The following LUZP2 variants were observed in gnomAD, a reference collection of about 807,000 sequenced individuals.
LUZP2 encodes the protein leucine zipper protein 2.
In LUZP2, 52 loss-of-function variants were observed where a neutral mutation model predicts 51.6. That is an observed-to-expected ratio of 1.01 (90% CI 0.81 to 1.27). The LOEUF (loss-of-function observed/expected upper bound fraction) is 1.27, where lower values mean the gene tolerates loss of function less well. LUZP2 is among the 50% of genes most tolerant of loss of function. The pLI is 0.00. For synonymous variants in LUZP2, 154 were observed against 137.3 expected (o/e 1.12, Z -0.85); for missense variants, 436 against 395.4 (o/e 1.10, Z -0.87).
intron 5 of LUZP2, among the ~76,000 whole-genome samples, chr11:24,843,911 C>T (rs762378927): frequency 2.6e-5 from 4 of 152,174 alleles, no homozygotes; most frequent in Admixed American, 6.5e-5. Flanking sequence ...ATGTCCTCCA[C>T]GATTGTGAGG....
At chr11:24,859,718 G>A (rs917393131) in intron 5 of LUZP2, among the ~76,000 whole-genome samples, 1 of 152,238 alleles carries the variant, frequency 6.6e-6, no homozygotes, top group Non-Finnish European at 1.5e-5. Flanking sequence ...GTGTGGTGCG[G>A]CAGCCCACCT....
intron 5 of LUZP2, among the ~76,000 whole-genome samples, chr11:24,861,849 G>T (rs1485216065): frequency 2.0e-5 from 3 of 152,134 alleles, no homozygotes; most frequent in South Asian, 2.1e-4. Flanking sequence ...ACATAGTTTG[G>T]TGCCACAGGG....
chr11:24,787,536 C>G (rs1299316817), intron 5 of LUZP2, among the ~76,000 whole-genome samples: 1 of 151,940 alleles, frequency 6.6e-6, no homozygotes, highest in Admixed American at 6.6e-5. Context: ...TCATTTATAC[C>G]TAGTAAAGCA....
At position 24,889,135 on chromosome 11, in the gene LUZP2, C is replaced by T. The variant is rs1177230460; in HGVS notation, c.397-16856C>T. Among the ~76,000 whole-genome samples the T allele has an allele frequency of 2.0e-5, 3 of 152,166 alleles. No homozygotes were observed. The East Asian group carries it at 5.8e-4, about 29-fold the overall frequency. On this transcript the variant is annotated intron_variant, in intron 5 of 11. Coordinates refer to ENST00000336930, the MANE Select transcript of LUZP2 (RefSeq NM_001009909.4). Reference sequence around the variant, plus strand: ...AGCCAAAAGGGGATGGATGTTTTCTCACTCACCCTGGTAAAATATGGCATT... The same window carrying T: ...AGCCAAAAGGGGATGGATGTTTTCTTACTCACCCTGGTAAAATATGGCATT...
At chr11:25,016,603 T>C (rs1016615325) in intron 9 of LUZP2, among the ~76,000 whole-genome samples, 5 of 149,340 alleles carry the variant, frequency 3.3e-5, no homozygotes, top group Admixed American at 6.9e-5. Flanking sequence ...TGTATATATA[T>C]ACAAACACAC....
At chr11:24,958,886 G>C (rs1426308011) in intron 7 of LUZP2, among the ~76,000 whole-genome samples, 1 of 152,084 alleles carries the variant, frequency 6.6e-6, no homozygotes, top group African/African-American at 2.4e-5. Context: ...TATGGTTTTA[G>C]GTCTAACATT....
At chr11:24,852,393 A>G (rs1487235658) in intron 5 of LUZP2, among the ~76,000 whole-genome samples, 2 of 152,172 alleles carry the variant, frequency 1.3e-5, no homozygotes, top group African/African-American at 2.4e-5. Context: ...CAGGTTGTTC[A>G]GTTTCCACGT....
At chr11:25,027,074 T>C (rs1353312344) in intron 9 of LUZP2, among the ~76,000 whole-genome samples, 1 of 152,018 alleles carries the variant, frequency 6.6e-6, no homozygotes, top group Non-Finnish European at 1.5e-5. Context: ...TCCTGAATTA[T>C]TACAGGATCT....
chr11:24,582,969 T>C (rs1852925159), intron 1 of LUZP2, among the ~76,000 whole-genome samples: 1 of 152,192 alleles, frequency 6.6e-6, no homozygotes, highest in Admixed American at 6.5e-5. Flanking sequence ...GGACAAATTC[T>C]ATGCAGCAAA....
chr11:24,627,169 ATG>A (rs1854712278), intron 1 of LUZP2, among the ~76,000 whole-genome samples: 1 of 152,228 alleles, frequency 6.6e-6, no homozygotes. Flanking sequence ...GTACAAAAAT[ATG>A]TAAGATGTTT....
At chr11:24,750,579 A>G (rs970905851) in intron 4 of LUZP2, among the ~76,000 whole-genome samples, 1 of 152,192 alleles carries the variant, frequency 6.6e-6, no homozygotes, top group African/African-American at 2.4e-5. Context: ...AAAAACCAAT[A>G]TGAAGACAAA....
At chr11:24,976,529 A>G (rs1302369818) in intron 7 of LUZP2, 62 bp from the exon 8 acceptor site, 2 of 1,059,464 alleles carry the variant, frequency 1.9e-6, no homozygotes, top group South Asian at 1.6e-5. Context: ...TATATGACAG[A>G]TGCTTAAAGT....
chr11:24,853,992 G>A (rs1851473230), intron 5 of LUZP2, among the ~76,000 whole-genome samples: 1 of 152,170 alleles, frequency 6.6e-6, no homozygotes, highest in Non-Finnish European at 1.5e-5. Context: ...CCCTCTGGAG[G>A]CTTTGTCTCA....
chr11:24,848,782 T>C (rs979302637), intron 5 of LUZP2, among the ~76,000 whole-genome samples: 4 of 152,158 alleles, frequency 2.6e-5, no homozygotes, highest in African/African-American at 9.7e-5. Flanking sequence ...CTAGCATAAT[T>C]GACCACAAAA....
intron 7 of LUZP2, among the ~76,000 whole-genome samples, chr11:24,967,895 A>G (rs1855633862): frequency 6.6e-6 from 1 of 152,126 alleles, no homozygotes; most frequent in Non-Finnish European, 1.5e-5. Context: ...TGAATCATAT[A>G]TACATATATT....
chr11:24,746,508 A>T, intron 4 of LUZP2, among the ~76,000 whole-genome samples: 1 of 152,176 alleles, frequency 6.6e-6, no homozygotes, highest in East Asian at 1.9e-4. Flanking sequence ...TTAACTTTAG[A>T]TAACCTGATG....
intron 7 of LUZP2, among the ~76,000 whole-genome samples, chr11:24,962,079 A>T (rs1186280305): frequency 6.6e-6 from 1 of 150,750 alleles, no homozygotes; most frequent in Non-Finnish European, 1.5e-5. Context: ...ATTGGCCCCC[A>T]CTCTCTTCTG....
At chr11:24,643,074 G>A (rs1044975733) in intron 1 of LUZP2, among the ~76,000 whole-genome samples, 78 of 151,994 alleles carry the variant, frequency 5.1e-4, no homozygotes, top group African/African-American at 1.7e-3. Context: ...TAGGCAAAAC[G>A]TGATGAGAGC....
chr11:24,753,793 C>A (rs1373060419), intron 4 of LUZP2, among the ~76,000 whole-genome samples: 1 of 152,164 alleles, frequency 6.6e-6, no homozygotes, highest in Non-Finnish European at 1.5e-5. Flanking sequence ...AGCCAAGGGA[C>A]CCTGGCCTTT....
Sources: allele counts gnomAD v4.1 joint callset (sites outside exome capture counted in the v4.1 genomes callset), GRCh38; gene constraint gnomAD v4.1.1; transcripts MANE v1.5; gene names NCBI Gene and HGNC (gene_info 2026-07-23, HGNC 2026-07-21).